Variants in ITPR1 observed in about 807,000 individuals in gnomAD.
The protein encoded by ITPR1 is inositol 1,4,5-trisphosphate receptor type 1.
ITPR1 carries 96 observed loss-of-function variants against 318.4 expected under a neutral mutation model. That is an observed-to-expected ratio of 0.30 (90% CI 0.26 to 0.36). The LOEUF is 0.36. Ranked by LOEUF, ITPR1 falls within the 10% of genes least tolerant of loss-of-function variation. The probability of loss-of-function intolerance (pLI) is 1.00; values close to 1 mark genes in which losing one functional copy is unlikely to be tolerated. For missense variants in ITPR1, 2,440 were observed against 3,460.2 expected (o/e 0.71, Z 7.40); for synonymous variants, 1,312 against 1,289.9 (o/e 1.02, Z -0.37).
chr3:4,578,259 AT>A lies in ITPR1; in HGVS notation c.164-49496del, dbSNP rs537754454. ...AATTATGTAAGATTCTATAGAAAAC[AT>A]TTTTTTTCTGCCACTTTTTTTATTT... is the stretch of plus-strand genomic sequence containing the variant. On this transcript the variant is annotated intron_variant, in intron 4 of 61. Transcript: ENST00000649015. 9.9e-5 allele frequency among the ~76,000 whole-genome samples: 15 copies of A among 151,996 alleles called. No homozygotes were observed. In the East Asian group the frequency reaches 1.4e-3, roughly 14 times the overall value.
intron 24 of ITPR1, among the ~76,000 whole-genome samples, chr3:4,679,294 GAGGGGGTTT>G (rs1160661789): frequency 2.6e-5 from 4 of 152,358 alleles, no homozygotes; most frequent in Non-Finnish European, 5.9e-5. Context: ...AGATAGACAA[GAGGGGGTTT>G]ATTATGGGAA....
intron 60 of ITPR1, among the ~76,000 whole-genome samples, chr3:4,822,176 A>G (rs1468787352): frequency 1.3e-5 from 2 of 152,132 alleles, no homozygotes; most frequent in East Asian, 1.9e-4. Context: ...GGTAGACATG[A>G]GCTAAATGAG....
chr3:4,512,559 A>G (rs1251086389), intron 2 of ITPR1, among the ~76,000 whole-genome samples: 2 of 152,196 alleles, frequency 1.3e-5, no homozygotes. Flanking sequence ...TGGGTCATAT[A>G]GGAGTTCATT....
chr3:4,616,507 T>C (rs2092394586), intron 4 of ITPR1, among the ~76,000 whole-genome samples: 1 of 152,260 alleles, frequency 6.6e-6, no homozygotes, highest in Admixed American at 6.5e-5. Context: ...AAGATATGAA[T>C]GCTGAACACT....
chr3:4,625,679 C>T (rs920591210), intron 4 of ITPR1, among the ~76,000 whole-genome samples: 1 of 152,114 alleles, frequency 6.6e-6, no homozygotes, highest in Non-Finnish European at 1.5e-5. Context: ...GCCTCAGCCT[C>T]CCGAGTAGCT....
chr3:4,738,825 T>C (rs2043481066), intron 44 of ITPR1, among the ~76,000 whole-genome samples: 1 of 152,162 alleles, frequency 6.6e-6, no homozygotes, highest in Non-Finnish European at 1.5e-5. Context: ...CAGCCACGTG[T>C]GGAGCAGGGA....
At chr3:4,632,525 G>A (rs558073022) in intron 5 of ITPR1, among the ~76,000 whole-genome samples, 7 of 152,240 alleles carry the variant, frequency 4.6e-5, no homozygotes, top group East Asian at 1.9e-4. Flanking sequence ...CTGCTGCCAC[G>A]TCTTCCACTT....
In ITPR1 at chr3:4,727,192, T is replaced by C. The variant is rs2125308848; in HGVS notation, c.5220+19T>C. The C allele has an allele frequency of 1.3e-6, 2 of 1,572,672 alleles. No homozygotes were observed. The highest frequency in any genetic ancestry group is 1.7e-4 in the Middle Eastern group (1 of 5,974). ...TAAAAGGGTACGTAGTCTTGAGTCT[T>C]GGGTATCGGGAGCTAATGATCAATG... On this transcript the variant is annotated intron_variant, in intron 42 of 61. Coordinates refer to ENST00000649015, the MANE Select transcript of ITPR1 (RefSeq NM_001378452.1).
intron 3 of ITPR1, among the ~76,000 whole-genome samples, chr3:4,519,207 A>G (rs941205602): frequency 1.3e-5 from 2 of 151,802 alleles, no homozygotes; most frequent in African/African-American, 4.8e-5. Flanking sequence ...CTTCCTCCCC[A>G]TTTGAGAACT....
rs5846332 is a variant in ITPR1, at chr3:4,721,172, G to GTATATA, written c.5136+3799_5136+3804dup. 1.5e-3 allele frequency among the ~76,000 whole-genome samples: 192 copies of GTATATA among 125,054 alleles called. 5 individuals carry two copies. The highest frequency in any genetic ancestry group is 4.2e-3 in the African/African-American group (117 of 27,564). The allele number at this position is 125,054 out of a possible 152,430, so 82.0% of individuals were successfully genotyped here. A position where few individuals can be genotyped will look rare whatever the true frequency, so the allele number is the denominator to read the frequency against. On this transcript the variant is annotated intron_variant, in intron 40 of 61. Coordinates refer to ENST00000649015, the MANE Select transcript of ITPR1 (RefSeq NM_001378452.1). ...TGTGTGTAGATACGTGTGTGTGCGT[G>GTATATA]TATATATATATATATATATATATAT... is the stretch of plus-strand genomic sequence containing the variant.
At chr3:4,800,823 C>T (rs2048181134) in intron 54 of ITPR1, among the ~76,000 whole-genome samples, 1 of 152,214 alleles carries the variant, frequency 6.6e-6, no homozygotes, top group African/African-American at 2.4e-5. Flanking sequence ...GGCATCAGCA[C>T]TTTCACTTTT....
chr3:4,744,385 A>G (rs1016494660), intron 44 of ITPR1, among the ~76,000 whole-genome samples: 2 of 152,324 alleles, frequency 1.3e-5, no homozygotes, highest in East Asian at 3.9e-4. Context: ...CGAGTGTGAG[A>G]TGCCTCTTGG....
In ITPR1 at chr3:4,645,573, G is replaced by T; in HGVS notation, c.709-9G>T. On this transcript the variant is annotated splice_polypyrimidine_tract_variant and intron_variant, in intron 9 of 61. Transcript: ENST00000649015. ...TTTTTCCTTAATTCTTTCTTGTGTT[G>T]ACTGTCAGGGTGACGTGGTGAGGCT... 1 of 1,612,604 alleles carries T rather than the reference G, an allele frequency of 6.2e-7. No individual in the cohort carries two copies. The highest frequency in any genetic ancestry group is 1.1e-5 in the South Asian group (1 of 90,844).
rs75199946 is a variant in ITPR1, at chr3:4,501,301, T to C, written c.-17+6795T>C. Among the ~76,000 whole-genome samples, 14 of 152,330 alleles carry C rather than the reference T, an allele frequency of 9.2e-5. No individual in the cohort carries two copies. The East Asian group carries it at 2.7e-3, about 29-fold the overall frequency. On this transcript the variant is annotated intron_variant, in intron 2 of 61. Transcript: ENST00000649015. ...AATGAACATTGGGTTGTAAGTTCAA[T>C]AGTTTTCTTACTCTGAGCTGCAGTC... is the stretch of plus-strand genomic sequence containing the variant.
rs115056576 is a variant in ITPR1, at chr3:4,551,474, G to A, written c.163+30380G>A. Among the ~76,000 whole-genome samples, 712 of 152,302 alleles carry A rather than the reference G, an allele frequency of 4.7e-3. 5 individuals are homozygous for A. The highest frequency in any genetic ancestry group is 0.015 in the African/African-American group (609 of 41,576). On this transcript the variant is annotated intron_variant, in intron 4 of 61. Transcript: ENST00000649015. The stretch of plus-strand genomic sequence containing the variant: ...GAACAGATCTTTCTAATCTCTCAGC[G>A]TTGCCAAGAAGTGTCCATGCTTCTT...
intron 4 of ITPR1, among the ~76,000 whole-genome samples, chr3:4,557,914 T>C (rs1264660998): frequency 6.6e-6 from 1 of 152,224 alleles, no homozygotes; most frequent in Non-Finnish European, 1.5e-5. Flanking sequence ...AAATTTATGG[T>C]GAAACCCTCT....
At chr3:4,629,861 A>G (rs890933871) in intron 5 of ITPR1, among the ~76,000 whole-genome samples, 1 of 152,200 alleles carries the variant, frequency 6.6e-6, no homozygotes, top group African/African-American at 2.4e-5. Context: ...GGAGGCACCC[A>G]TGGGATTTAG....
At chr3:4,504,504 C>T (rs371488324) in intron 2 of ITPR1, among the ~76,000 whole-genome samples, 1 of 152,064 alleles carries the variant, frequency 6.6e-6, no homozygotes, top group East Asian at 1.9e-4. Flanking sequence ...GTGCTTTTTG[C>T]AAGAGAATAA....
chr3:4,574,718 A>G (rs1185287030), intron 4 of ITPR1, among the ~76,000 whole-genome samples: 2 of 152,230 alleles, frequency 1.3e-5, no homozygotes, highest in African/African-American at 4.8e-5. Context: ...ATGGTCTTCC[A>G]TGCTGTGGGA....
Sources: gnomAD v4.1 joint callset for allele counts (sites outside exome capture counted in the v4.1 genomes callset) on GRCh38, gnomAD v4.1.1 for gene constraint, MANE v1.5 for transcripts, NCBI Gene and HGNC (gene_info 2026-07-23, HGNC 2026-07-21) for gene names.